AIG1: variants seen among roughly 807,000 people sequenced by gnomAD.
AIG1 encodes androgen-induced gene 1 protein.
Under a neutral mutation model 31.4 loss-of-function variants are expected in AIG1, and 23 were observed. The observed-to-expected ratio is 0.73, with a 90% CI of 0.53 to 1.04. AIG1 has a LOEUF of 1.04. Among genes scored for constraint, AIG1 ranks in the 50% least tolerant of loss-of-function variants. The pLI is 0.00. For missense variants in AIG1, 274 were observed against 295.0 expected, an observed-to-expected ratio of 0.93 and a Z score of 0.52; for synonymous variants, 100 against 110.5, an observed-to-expected ratio of 0.90 and a Z score of 0.60.
At chr6:143,209,753 G>T (rs780429667) in intron 3 of AIG1, among the ~76,000 whole-genome samples, 7 of 152,156 alleles carry the variant, frequency 4.6e-5, no homozygotes, top group Non-Finnish European at 8.8e-5. Flanking sequence ...CCAAGTTCAT[G>T]GTAATTGGTA....
At chr6:143,220,641 A>G (rs78035210) in intron 3 of AIG1, among the ~76,000 whole-genome samples, 5,532 of 152,210 alleles carry the variant, frequency 0.036, 203 homozygotes, top group African/African-American at 0.098. Context: ...ACCATTTTCA[A>G]CTGTCATCAA....
intron 4 of AIG1, among the ~76,000 whole-genome samples, chr6:143,294,954 G>T (rs1411113066): frequency 6.6e-6 from 1 of 152,022 alleles, no homozygotes; most frequent in African/African-American, 2.4e-5. Context: ...ATCCACATGT[G>T]TTTGCAATGC....
chr6:143,084,526 T>C (rs948240297), intron 1 of AIG1, among the ~76,000 whole-genome samples: 2 of 152,190 alleles, frequency 1.3e-5, no homozygotes, highest in African/African-American at 4.8e-5. Flanking sequence ...ATCTCTATTA[T>C]AAAAAACCGA....
At chr6:143,097,203 C>T (rs1779877501) in intron 1 of AIG1, among the ~76,000 whole-genome samples, 1 of 151,820 alleles carries the variant, frequency 6.6e-6, no homozygotes, top group Non-Finnish European at 1.5e-5. Context: ...TAGAATCTCC[C>T]TTGCTTTTTG....
chr6:143,139,975 A>G (rs1784111523), intron 2 of AIG1, among the ~76,000 whole-genome samples: 1 of 152,204 alleles, frequency 6.6e-6, no homozygotes, highest in Non-Finnish European at 1.5e-5. Context: ...CTGTTCTCAG[A>G]CTGCTAATGA....
At chr6:143,320,430 C>T (rs1776115537) in intron 4 of AIG1, among the ~76,000 whole-genome samples, 1 of 152,072 alleles carries the variant, frequency 6.6e-6, no homozygotes, top group South Asian at 2.1e-4. Flanking sequence ...GCATTATTCA[C>T]TGTGGTAAGG....
At chr6:143,100,975 G>A (rs781558039) in intron 1 of AIG1, among the ~76,000 whole-genome samples, 11 of 152,184 alleles carry the variant, frequency 7.2e-5, no homozygotes, top group South Asian at 2.1e-4. Context: ...CTGAGCCACC[G>A]TGCCCAGCCT....
intron 3 of AIG1, among the ~76,000 whole-genome samples, chr6:143,244,010 T>C (rs547008360): frequency 2.4e-4 from 37 of 152,330 alleles, no homozygotes; most frequent in Non-Finnish European, 1.0e-4. Flanking sequence ...AGTTGAAACC[T>C]GTTTACTTTC....
At chr6:143,237,765 G>T (rs1486230713) in intron 3 of AIG1, among the ~76,000 whole-genome samples, 1 of 152,122 alleles carries the variant, frequency 6.6e-6, no homozygotes, top group African/African-American at 2.4e-5. Flanking sequence ...GCAGGAAAAA[G>T]AAATTATGAA....
At chr6:143,227,425 A>G (rs951377704) in intron 3 of AIG1, among the ~76,000 whole-genome samples, 1 of 152,066 alleles carries the variant, frequency 6.6e-6, no homozygotes, top group Non-Finnish European at 1.5e-5. Context: ...GCATCAGAGG[A>G]AGACTTCGGA....
chr6:143,067,629 A>G (rs781428003), intron 1 of AIG1, among the ~76,000 whole-genome samples: 15 of 152,328 alleles, frequency 9.8e-5, no homozygotes, highest in Non-Finnish European at 2.2e-4. Context: ...ATCATAAAAC[A>G]TATTCTTGTC....
At chr6:143,269,866 C>A (rs6935257) in intron 3 of AIG1, among the ~76,000 whole-genome samples, 1,667 of 152,184 alleles carry the variant, frequency 0.011, 29 homozygotes, top group Middle Eastern at 0.034. Context: ...GGAAGGCTTT[C>A]GAAGCTGTTT....
rs1798668478 is a variant in AIG1, at chr6:143,299,351, T to C, written c.515+15126T>C. 1 of 152,190 alleles carries C rather than the reference T, an allele frequency of 6.6e-6. No homozygotes were observed. Among genetic ancestry groups the C allele is most frequent in the Admixed American group, 6.5e-5 (1 of 15,270 alleles). The allele number at this position is 152,190 out of a possible 1,614,324, so 9.4% of individuals were successfully genotyped here. A position where few individuals can be genotyped will look rare whatever the true frequency, so the allele number is the denominator to read the frequency against. ...AGCAGAGTCGAGAAATAGCATGACA[T>C]AGGGCAGGTGTAACTGTCATAGAAG... On this transcript the variant is annotated intron_variant, in intron 4 of 5. Transcript: ENST00000357847. The surrounding 1 kb of genome is among the most constrained non-coding windows in gnomAD (Gnocchi z 4.1).
At chr6:143,072,116 T>G (rs1236701160) in intron 1 of AIG1, among the ~76,000 whole-genome samples, 1 of 152,178 alleles carries the variant, frequency 6.6e-6, no homozygotes, top group Non-Finnish European at 1.5e-5. Context: ...TTTTCATTTT[T>G]CAAATGGCTA....
At chr6:143,182,347 G>A (rs1788810613) in intron 3 of AIG1, among the ~76,000 whole-genome samples, 2 of 152,016 alleles carry the variant, frequency 1.3e-5, no homozygotes. Context: ...TTTCTCTTTA[G>A]TGCCTGGTAT....
In AIG1 at chr6:143,256,804, A is replaced by G. The variant is rs1201420604; in HGVS notation, c.400-27306A>G. On this transcript the variant is annotated intron_variant, in intron 3 of 5. Coordinates refer to ENST00000357847, the MANE Select transcript of AIG1 (RefSeq NM_016108.4). This position sits in a 1 kb window ranked among gnomAD's most constrained non-coding sequence, Gnocchi z 4.6. ...AGAAAAAATAAAGTTATATTATTTT[A>G]AAAACAGTCCAAATTAGCTGGAAGA... 1.3e-5 allele frequency among the ~76,000 whole-genome samples: 2 copies of G among 152,246 alleles called. No homozygotes were observed. The highest frequency in any genetic ancestry group is 4.1e-4 in the South Asian group (2 of 4,828).
intron 2 of AIG1, among the ~76,000 whole-genome samples, chr6:143,144,532 A>G (rs548134442): frequency 8.5e-5 from 13 of 152,336 alleles, no homozygotes; most frequent in African/African-American, 3.1e-4. Flanking sequence ...CTCAGAAATA[A>G]TGACATCTAA....
chr6:143,292,443 C>T lies in AIG1; in HGVS notation c.515+8218C>T, dbSNP rs189978569. On this transcript the variant is annotated intron_variant, in intron 4 of 5. Coordinates refer to ENST00000357847, the MANE Select transcript of AIG1 (RefSeq NM_016108.4). This position sits in a 1 kb window ranked among gnomAD's most constrained non-coding sequence, Gnocchi z 4.9. ...GTGGAGAAAGGACTTGAACTGCCGTCACTGGCTTTGAAGACAGAGGAAGGG... is the reference window on the plus strand; with the variant it reads ...GTGGAGAAAGGACTTGAACTGCCGTTACTGGCTTTGAAGACAGAGGAAGGG... Among the ~76,000 whole-genome samples, 288 of 152,290 alleles carry T rather than the reference C, an allele frequency of 1.9e-3. 1 individual carries two copies. Among genetic ancestry groups the T allele is most frequent in the Non-Finnish European group, 3.3e-3 (223 of 68,026 alleles).
At chr6:143,247,055 A>G (rs1284858789) in intron 3 of AIG1, among the ~76,000 whole-genome samples, 3 of 152,186 alleles carry the variant, frequency 2.0e-5, no homozygotes, top group African/African-American at 7.2e-5. Flanking sequence ...GTTATAGGGC[A>G]TTAACTCCTC....
Sources: gnomAD v4.1 joint callset for allele counts (sites outside exome capture counted in the v4.1 genomes callset) on GRCh38, gnomAD v4.1.1 for gene constraint, Gnocchi (gnomAD v3.1) non-coding constraint, MANE v1.5 for transcripts, NCBI Gene and HGNC (gene_info 2026-07-23, HGNC 2026-07-21) for gene names.